The following IRAG2 variants were observed in gnomAD, a reference collection of about 807,000 sequenced individuals.
IRAG2 encodes the protein inositol 1,4,5-triphosphate receptor associated 2.
A neutral mutation model predicts 69.9 loss-of-function variants in IRAG2; 45 were observed. The observed-to-expected ratio is 0.64, with a 90% CI of 0.51 to 0.83. The LOEUF (loss-of-function observed/expected upper bound fraction) is 0.83. Ranked by LOEUF, IRAG2 falls within the 40% of genes least tolerant of loss-of-function variation. The pLI, the probability that IRAG2 is intolerant of heterozygous loss-of-function variation, is 0.00. For synonymous variants in IRAG2, 193 were observed against 202.4 expected (o/e 0.95, Z 0.40); for missense variants, 520 against 587.0 (o/e 0.89, Z 1.18).
chr12:25,098,450 T>A (rs1948555016), intron 15 of IRAG2, among the ~76,000 whole-genome samples: 1 of 152,192 alleles, frequency 6.6e-6, no homozygotes. Flanking sequence ...CCTCCCAGCG[T>A]GTGAATCCTT....
In IRAG2 at chr12:25,079,709, C is replaced by G; in HGVS notation, c.190C>G (p.Leu64Val). ...TTCTTGTGACCTTGACAGAAACTCGCTCTGTAAGAAAGAGGAGGATACAAG... is the reference window on the plus strand; with the variant it reads ...TTCTTGTGACCTTGACAGAAACTCGGTCTGTAAGAAAGAGGAGGATACAAG... ...MASCDLDRNS[L>V]CKKEEDTRSA... is the part of the protein sequence containing the mutation. The change falls in exon 9 of 22, where the codon CTC (leucine) becomes GTC (valine). Residue 64 changes from leucine (L) to valine (V), a missense_variant. Coordinates refer to ENST00000556887, the MANE Select transcript of IRAG2 (RefSeq NM_001366544.2). 6.2e-7 allele frequency: 1 copy of G among 1,613,994 alleles called. No homozygotes were observed.
At chr12:25,054,188 T>C (rs1254554406) in intron 1 of IRAG2, among the ~76,000 whole-genome samples, 1 of 152,266 alleles carries the variant, frequency 6.6e-6, no homozygotes, top group Admixed American at 6.5e-5. Context: ...TGATTCACTC[T>C]GTTAAGCTAG....
intron 1 of IRAG2, among the ~76,000 whole-genome samples, chr12:25,053,173 T>C (rs996205027): frequency 6.6e-6 from 1 of 152,060 alleles, no homozygotes; most frequent in African/African-American, 2.4e-5. Flanking sequence ...TTTGCCTTTT[T>C]ATTATAAGCT....
chr12:25,089,315 C>T (rs79206291), intron 11 of IRAG2, among the ~76,000 whole-genome samples: 5 of 152,286 alleles, frequency 3.3e-5, no homozygotes, highest in Non-Finnish European at 7.3e-5. Flanking sequence ...GCCATGGGAT[C>T]AAGTATAGCA....
chr12:25,017,275 G>A (rs1248127402), exon 6 of IRAG2: 2 of 1,232,018 alleles, frequency 1.6e-6, no homozygotes, highest in Non-Finnish European at 2.0e-6. Context: ...GTACCGAATT[G>A]CGCCTTCAGG....
chr12:25,015,951 T>G (rs982724213), intron 5 of IRAG2, among the ~76,000 whole-genome samples: 1 of 152,180 alleles, frequency 6.6e-6, no homozygotes, highest in Non-Finnish European at 1.5e-5. Context: ...ATCCCAGCAC[T>G]TGGGGAGGCC....
chr12:24,999,693 A>G (rs1474229071), upstream of IRAG2, among the ~76,000 whole-genome samples: 2 of 152,166 alleles, frequency 1.3e-5, no homozygotes, highest in East Asian at 1.9e-4. Context: ...TAATAGCCAC[A>G]TAATAGATGC....
At chr12:25,004,296 C>G, upstream of IRAG2, 1 of 1,189,174 alleles carries the variant, frequency 8.4e-7, no homozygotes, top group Non-Finnish European at 1.1e-6. Flanking sequence ...TCTACTTTTG[C>G]CTATACTTTA....
chr12:25,067,670 T>C (rs1302642411), intron 5 of IRAG2, among the ~76,000 whole-genome samples: 6 of 152,120 alleles, frequency 3.9e-5, no homozygotes, highest in Non-Finnish European at 8.8e-5. Flanking sequence ...TATTTATTTA[T>C]TTAAATTTAT....
chr12:25,023,884 G>A (rs529236707), exon 8 of IRAG2: 115 of 1,227,380 alleles, frequency 9.4e-5, no homozygotes, highest in Non-Finnish European at 1.1e-4. Flanking sequence ...ACAGAAAACC[G>A]GGCTCTGATT....
chr12:25,104,675 T>C (rs1417423743), intron 20 of IRAG2, among the ~76,000 whole-genome samples: 4 of 152,174 alleles, frequency 2.6e-5, no homozygotes, highest in Non-Finnish European at 5.9e-5. Context: ...AAGTTTGAGG[T>C]CTTAAGTTAG....
At chr12:25,090,825 G>GAATC (rs1947995808) in intron 14 of IRAG2, 1 of 453,322 alleles carries the variant, frequency 2.2e-6, no homozygotes, top group African/African-American at 2.0e-5. Context: ...GGCAGAAAAG[G>GAATC]AATCATACAG....
At chr12:25,076,114 A>G (rs1365492991) in intron 6 of IRAG2, among the ~76,000 whole-genome samples, 2 of 152,186 alleles carry the variant, frequency 1.3e-5, no homozygotes, top group Non-Finnish European at 2.9e-5. Flanking sequence ...TTAGTCTCAC[A>G]AGAAGAAAAA....
intron 4 of IRAG2, among the ~76,000 whole-genome samples, chr12:25,065,764 G>A (rs1220615428): frequency 6.6e-6 from 1 of 152,124 alleles, no homozygotes; most frequent in African/African-American, 2.4e-5. Flanking sequence ...CAACCTCTTG[G>A]GCTCAAATGA....
chr12:25,004,883 C>G lies in IRAG2; in HGVS notation c.542C>G (p.Ser181Ter). Residue 181 changes from serine (S) to a stop codon, truncating the protein, a stop_gained, in exon 1 of 39, where the codon TCA (serine) becomes TGA (stop). Coordinates refer to the IRAG2 transcript ENST00000636465. LOFTEE classifies it high-confidence loss of function. ...TTGAAGTGTTTTGATCCTCAGGATT[C>G]AGTGGTAAAAAAATTATCTCTGAAT... The G allele has an allele frequency of 8.1e-7, 1 of 1,231,742 alleles. No homozygotes were observed. Among genetic ancestry groups the G allele is most frequent in the Non-Finnish European group, 1.0e-6 (1 of 987,862 alleles). The allele number at this position is 1,231,742 out of a possible 1,614,324, so 76.3% of individuals were successfully genotyped here.
chr12:25,044,293 A>G (rs1250720800), intron 16 of IRAG2, among the ~76,000 whole-genome samples: 1 of 152,054 alleles, frequency 6.6e-6, no homozygotes, highest in African/African-American at 2.4e-5. Flanking sequence ...AAAGAAAGGA[A>G]TCAAAGAATA....
chr12:25,041,153 G>A (rs1944745464), intron 16 of IRAG2, among the ~76,000 whole-genome samples: 1 of 152,082 alleles, frequency 6.6e-6, no homozygotes, highest in Non-Finnish European at 1.5e-5. Flanking sequence ...TGAGCTTGTT[G>A]TTTTTGAGCA....
In IRAG2 at chr12:25,077,185, G is replaced by C. The variant is rs10536372; in HGVS notation, c.25-2059G>C. 1.2e-3 allele frequency among the ~76,000 whole-genome samples: 73 copies of C among 58,944 alleles called. 2 individuals carry two copies. Among genetic ancestry groups the C allele is most frequent in the African/African-American group, 3.2e-3 (60 of 18,648 alleles). 38.7% of individuals were successfully genotyped at this position (58,944 alleles called of 152,430 possible). A position where few individuals can be genotyped will look rare whatever the true frequency, so the allele number is the denominator to read the frequency against. On this transcript the variant is annotated intron_variant, in intron 6 of 21. Transcript: ENST00000556887. The stretch of plus-strand genomic sequence containing the variant: ...TGCCTTGTTCATTTCATATATATAT[G>C]ATATATATATGAAATATATATATGA...
intron 16 of IRAG2, among the ~76,000 whole-genome samples, chr12:25,101,744 C>G (rs911924978): frequency 4.6e-5 from 7 of 152,178 alleles, no homozygotes; most frequent in Non-Finnish European, 1.0e-4. Flanking sequence ...GATTGATGAA[C>G]TGGAAAATAG....
Sources: allele counts gnomAD v4.1 joint callset (sites outside exome capture counted in the v4.1 genomes callset), GRCh38; gene constraint gnomAD v4.1.1; transcripts MANE v1.5; gene names NCBI Gene and HGNC (gene_info 2026-07-23, HGNC 2026-07-21).